OSBPL6: variants seen among roughly 807,000 people sequenced by gnomAD.
The protein encoded by OSBPL6 is oxysterol binding protein like 6.
Under a neutral mutation model 125.8 loss-of-function variants are expected in OSBPL6, and 49 were observed. That is an observed-to-expected ratio of 0.39 (90% confidence interval 0.31 to 0.49). The LOEUF is 0.49. Among genes scored for constraint, OSBPL6 ranks in the 20% least tolerant of loss-of-function variants. The probability of loss-of-function intolerance (pLI) is 0.88; values close to 1 mark genes in which losing one functional copy is unlikely to be tolerated. For missense variants in OSBPL6, 986 were observed against 1,135.4 expected, an observed-to-expected ratio of 0.87 and a Z score of 1.89; for synonymous variants, 394 against 391.8, an observed-to-expected ratio of 1.01 and a Z score of -0.07.
intron 2 of OSBPL6, among the ~76,000 whole-genome samples, chr2:178,290,247 C>T (rs55719869): frequency 0.013 from 2,026 of 152,218 alleles, 31 homozygotes; most frequent in East Asian, 0.067. Context: ...ATAGGAAGGG[C>T]AGGGTGATTG....
intron 2 of OSBPL6, among the ~76,000 whole-genome samples, chr2:178,299,196 A>G (rs1686044448): frequency 6.6e-6 from 1 of 152,348 alleles, no homozygotes; most frequent in African/African-American, 2.4e-5. Flanking sequence ...AGTCTTGGAA[A>G]ATTATTACTG....
chr2:178,322,255 A>G (rs1159686569), intron 3 of OSBPL6, among the ~76,000 whole-genome samples: 1 of 152,086 alleles, frequency 6.6e-6, no homozygotes, highest in Non-Finnish European at 1.5e-5. Context: ...GAGGTGGGGG[A>G]AACAGTTGGT....
chr2:178,313,385 G>A (rs895913368), intron 3 of OSBPL6, among the ~76,000 whole-genome samples: 4 of 152,244 alleles, frequency 2.6e-5, no homozygotes, highest in Non-Finnish European at 4.4e-5. Flanking sequence ...AGAATGTAGG[G>A]TTTGGAATGC....
chr2:178,217,029 T>C (rs1430006652), intron 1 of OSBPL6, among the ~76,000 whole-genome samples: 1 of 152,200 alleles, frequency 6.6e-6, no homozygotes, highest in Non-Finnish European at 1.5e-5. Flanking sequence ...TGAATTTAGA[T>C]AGTAATATTC....
chr2:178,254,013 A>T (rs2091791300), intron 1 of OSBPL6, among the ~76,000 whole-genome samples: 2 of 152,122 alleles, frequency 1.3e-5, no homozygotes, highest in Admixed American at 1.3e-4. Flanking sequence ...CCACCTCAGG[A>T]CTCTGCAGAG....
intron 9 of OSBPL6, among the ~76,000 whole-genome samples, chr2:178,338,773 A>T (rs1689932401): frequency 6.6e-6 from 1 of 152,204 alleles, no homozygotes; most frequent in Non-Finnish European, 1.5e-5. Context: ...TTCTGCACTA[A>T]TAGCTATTAA....
intron 1 of OSBPL6, among the ~76,000 whole-genome samples, chr2:178,245,725 G>A (rs922922344): frequency 2.0e-5 from 3 of 152,164 alleles, no homozygotes; most frequent in African/African-American, 4.8e-5. Context: ...AGCAGCTTGG[G>A]GAGGAGGGGG....
intron 1 of OSBPL6, among the ~76,000 whole-genome samples, chr2:178,222,371 G>A (rs934381096): frequency 1.3e-4 from 20 of 152,214 alleles, no homozygotes; most frequent in Admixed American, 9.2e-4. Flanking sequence ...TCGGCTGGGC[G>A]CGGTGGCTCA....
chr2:178,310,096 T>C (rs10182749), intron 3 of OSBPL6, among the ~76,000 whole-genome samples: 6,621 of 152,300 alleles, frequency 0.043, 314 homozygotes, highest in East Asian at 0.18. Flanking sequence ...GTTACAAATT[T>C]AGATTCTTCC....
chr2:178,361,845 A>C (rs776905760), intron 13 of OSBPL6, 30 bp downstream of exon 13: 1 of 1,613,390 alleles, frequency 6.2e-7, no homozygotes, highest in East Asian at 2.2e-5. Flanking sequence ...TTGCATGTAC[A>C]TGACACACTC....
rs555995672 is a variant in OSBPL6 at position 178,337,473 on chromosome 2, C to T, written c.790+1040C>T. ...AGACTTTATGTGAAAGTATGATTTC[C>T]TCTCTTTCTTATTGTAAATAATAGA... On this transcript the variant is annotated intron_variant, in intron 9 of 24. Transcript: ENST00000190611. Among the ~76,000 whole-genome samples, 6 of 152,282 alleles carry T rather than the reference C, an allele frequency of 3.9e-5. No homozygotes were observed. In the East Asian group the frequency reaches 1.2e-3, roughly 29 times the overall value.
At chr2:178,197,161 A>G (rs334104) in intron 1 of OSBPL6, among the ~76,000 whole-genome samples, 8,963 of 152,234 alleles carry the variant, frequency 0.059, 902 homozygotes, top group African/African-American at 0.2. Context: ...TGAATATTCA[A>G]CTTATTAAGT....
chr2:178,246,539 C>G (rs2091496670), intron 1 of OSBPL6, among the ~76,000 whole-genome samples: 1 of 152,150 alleles, frequency 6.6e-6, no homozygotes, highest in Non-Finnish European at 1.5e-5. Flanking sequence ...GGTGATTACT[C>G]CCCAAATCTT....
chr2:178,203,050 G>T (rs772003306), intron 1 of OSBPL6, among the ~76,000 whole-genome samples: 5 of 152,060 alleles, frequency 3.3e-5, no homozygotes, highest in Non-Finnish European at 2.9e-5. Context: ...TCTTTTGTGG[G>T]GAGTCCATGT....
intron 2 of OSBPL6, among the ~76,000 whole-genome samples, chr2:178,293,495 T>A (rs929522830): frequency 6.6e-5 from 10 of 152,272 alleles, no homozygotes; most frequent in Middle Eastern, 3.4e-3. Flanking sequence ...TTTTAAAAAA[T>A]TTTTATGATT....
chr2:178,249,826 T>TG (rs1170744214), intron 1 of OSBPL6, among the ~76,000 whole-genome samples: 2 of 127,824 alleles, frequency 1.6e-5, no homozygotes, highest in Admixed American at 7.7e-5. Context: ...TAACTAGAAG[T>TG]GTTTTTTTTT....
rs114440883 is a variant in OSBPL6 at position 178,298,444 on chromosome 2, A to G, written c.-155-7586A>G. ...ATTTTTAGTTTTTTGTTTGTTTGAG[A>G]TGGAGTTTTGCTCTTGTTGCCCAGG... On this transcript the variant is annotated intron_variant, in intron 2 of 24. Transcript: ENST00000190611. Among the ~76,000 whole-genome samples the G allele has an allele frequency of 0.017, 2,563 of 152,270 alleles. 104 individuals are homozygous for G. In the East Asian group the frequency reaches 0.18, roughly 11 times the overall value.
chr2:178,254,069 C>A (rs902573256), intron 1 of OSBPL6, among the ~76,000 whole-genome samples: 5 of 152,122 alleles, frequency 3.3e-5, no homozygotes, highest in African/African-American at 9.7e-5. Flanking sequence ...GCCTGTTGAC[C>A]TGGACTTCTC....
At chr2:178,296,107 G>A (rs760525497) in intron 2 of OSBPL6, among the ~76,000 whole-genome samples, 9 of 152,112 alleles carry the variant, frequency 5.9e-5, no homozygotes, top group Non-Finnish European at 1.3e-4. Flanking sequence ...TTGGCAACTC[G>A]GCATACCTGC....
Sources: allele counts gnomAD v4.1 joint callset (sites outside exome capture counted in the v4.1 genomes callset), GRCh38; gene constraint gnomAD v4.1.1; transcripts MANE v1.5; gene names NCBI Gene and HGNC (gene_info 2026-07-23, HGNC 2026-07-21).